Variants in HBG2 observed in about 807,000 individuals in gnomAD.
HBG2 encodes hemoglobin subunit gamma-2.
For synonymous variants in HBG2, 25 were observed against 63.2 expected (o/e 0.40, Z 2.87); for missense variants, 59 against 155.7 (o/e 0.38, Z 3.31).
rs1564886494 is a variant in HBG2, at chr11:5,254,503, ACAACCAGGAGC to A, written c.93_103del (p.Arg31SerfsTer10). The A allele has an allele frequency of 6.2e-7, 1 of 1,613,288 alleles. No homozygotes were observed. Reference sequence around the variant, plus strand: ...AAAGAACCTCTGGGTCCATGGGTAGACAACCAGGAGCCTGTGAGATTGACAAGAACAGTTTG... The same window carrying A: ...AAAGAACCTCTGGGTCCATGGGTAGACTGTGAGATTGACAAGAACAGTTTG... On this transcript the variant is annotated frameshift_variant and splice_region_variant, in exon 2 of 3. Transcript: ENST00000336906. LOFTEE classifies it high-confidence loss of function.
intron 2 of HBG2, 46 bp from the exon 3 acceptor site, chr11:5,253,451 G>C: frequency 6.5e-7 from 1 of 1,548,282 alleles, no homozygotes. Flanking sequence ...ATAGTGAGCT[G>C]AGAGCTCCAG....
Position 5,253,195 on chromosome 11 carries a change from T to A in HBG2, c.*82A>T, listed in dbSNP as rs761615890. On this transcript the variant is annotated 3_prime_UTR_variant, in exon 3 of 3. Coordinates refer to ENST00000336906, the MANE Select transcript of HBG2 (RefSeq NM_000184.3). ...AAGAACTGAAGACAACCATGTGTGA[T>A]CTCTTAGCAGAATAGATTTATTATT... is the stretch of plus-strand genomic sequence containing the variant. 1 of 1,594,508 alleles carries A rather than the reference T, an allele frequency of 6.3e-7. No individual in the cohort carries two copies. Among genetic ancestry groups the A allele is most frequent in the South Asian group, 1.1e-5 (1 of 90,390 alleles).
In HBG2 at chr11:5,254,322, G is replaced by A. The variant is rs1291432108; in HGVS notation, c.285C>T (p.Asp95=). 2 of 1,614,308 alleles carry A rather than the reference G, an allele frequency of 1.2e-6. No individual in the cohort carries two copies. Among genetic ancestry groups the A allele is most frequent in the Admixed American group, 1.7e-5 (1 of 60,038 alleles). The change falls in exon 2 of 3, where the codon GAC becomes GAT. Residue 95 remains aspartate (D), a synonymous_variant. Coordinates refer to ENST00000336906, the MANE Select transcript of HBG2 (RefSeq NM_000184.3). ...TFAQLSELHC[D]KLHVDPENFK... ...AGTTCTCAGGATCCACATGCAGCTT[G>A]TCACAGTGCAGTTCACTCAGCTGGG... is the stretch of plus-strand genomic sequence containing the variant.
At chr11:5,254,138 C>T (rs1240734819) in intron 2 of HBG2, among the ~76,000 whole-genome samples, 154 bp downstream of exon 2, 1 of 151,978 alleles carries the variant, frequency 6.6e-6, no homozygotes, top group Non-Finnish European at 1.5e-5. Flanking sequence ...AACATTGCCA[C>T]TGGGTCTCAG....
intron 2 of HBG2, 65 bp from the exon 3 acceptor site, chr11:5,253,470 C>G (rs1436490909): frequency 8.3e-6 from 11 of 1,321,960 alleles, no homozygotes; most frequent in Admixed American, 1.8e-5. Context: ...AGCCTGGCCT[C>G]CAGATAACTA....
At chr11:5,253,698 G>GCACACACACACACA (rs1554922324) in intron 2 of HBG2, among the ~76,000 whole-genome samples, 1,450 of 134,350 alleles carry the variant, frequency 0.011, 20 homozygotes, top group East Asian at 0.035. Flanking sequence ...ACACACGCGC[G>GCACACACACACACA]CACACACACA....
chr11:5,253,494 C>T (rs1960209), intron 2 of HBG2, 89 bp from the exon 3 acceptor site: 119 of 1,243,446 alleles, frequency 9.6e-5, no homozygotes, highest in Admixed American at 5.4e-4. Context: ...ACCAAGCTTC[C>T]ACCCAGAATC....
rs201444721 is a variant in HBG2 at position 5,253,382 on chromosome 11, G to C, written c.339C>G (p.Thr113=). ...NFKLLGNVLV[T]VLAIHFGKEF... is the part of the protein sequence containing the mutation. Reference sequence around the variant, plus strand: ...CTTTGCCGAAATGGATTGCCAAAACGGTCACCAGCACATTTCCCAGGAGCT... The same window carrying C: ...CTTTGCCGAAATGGATTGCCAAAACCGTCACCAGCACATTTCCCAGGAGCT... The change falls in exon 3 of 3, where the codon ACC becomes ACG. Residue 113 remains threonine, a synonymous_variant. Coordinates refer to ENST00000336906, the MANE Select transcript of HBG2 (RefSeq NM_000184.3). 1.2e-6 allele frequency: 2 copies of C among 1,612,892 alleles called. No individual in the cohort carries two copies. The highest frequency in any genetic ancestry group is 2.2e-5 in the East Asian group (1 of 44,802).
rs1847983745 is a variant in HBG2, at chr11:5,253,875, C to A, written c.315+417G>T. The stretch of plus-strand genomic sequence containing the variant: ...CCAGCTGATATAGGAATAGCCTTAG[C>A]AATGTATGTTTGGCCACCAAAGTTC... On this transcript the variant is annotated intron_variant, in intron 2 of 2. Transcript: ENST00000336906. Among the ~76,000 whole-genome samples, 3 of 152,206 alleles carry A rather than the reference C, an allele frequency of 2.0e-5. No homozygotes were observed. In the South Asian group the frequency reaches 6.2e-4, roughly 32 times the overall value.
chr11:5,253,453 G>A, intron 2 of HBG2, 48 bp from the exon 3 acceptor site: 1 of 1,545,014 alleles, frequency 6.5e-7, no homozygotes, highest in East Asian at 2.3e-5. Context: ...AGTGAGCTGA[G>A]AGCTCCAGCC....
Position 5,253,238 on chromosome 11 carries a change from A to G in HBG2, c.*39T>C. The G allele has an allele frequency of 1.9e-6, 3 of 1,613,376 alleles. No individual in the cohort carries two copies. Among genetic ancestry groups the G allele is most frequent in the Non-Finnish European group, 8.5e-7 (1 of 1,179,322 alleles). On this transcript the variant is annotated 3_prime_UTR_variant, in exon 3 of 3. Transcript: ENST00000336906. ...TTATTATTTGATTGCTTGCAGAATA[A>G]AGCCTATCCTTGAAAGCTCTGCATC...
chr11:5,253,918 A>C (rs1321892325), intron 2 of HBG2, among the ~76,000 whole-genome samples: 1 of 152,068 alleles, frequency 6.6e-6, no homozygotes, highest in Non-Finnish European at 1.5e-5. Flanking sequence ...TGACTGAGCC[A>C]ATATATGCCT....
At position 5,254,176 on chromosome 11, in the gene HBG2, C is replaced by A. The variant is rs1166548715; in HGVS notation, c.315+116G>T. The A allele has an allele frequency of 5.7e-6, 7 of 1,231,330 alleles. No individual in the cohort carries two copies. In the African/African-American group the frequency reaches 1.0e-4, roughly 18 times the overall value. 76.3% of individuals were successfully genotyped at this position (1,231,330 alleles called of 1,614,324 possible). A position where few individuals can be genotyped will look rare whatever the true frequency, so the allele number is the denominator to read the frequency against. On this transcript the variant is annotated intron_variant, in intron 2 of 2. Coordinates refer to ENST00000336906, the MANE Select transcript of HBG2 (RefSeq NM_000184.3). ...CAGTTAGTCCTCTGCAGTTTCTTCA[C>A]TCCCAACCCCAGTATCTTCAAACAG...
rs1431504350 is a variant in HBG2 at position 5,254,739 on chromosome 11, C to T, written c.-11G>A. On this transcript the variant is annotated 5_prime_UTR_variant, in exon 1 of 3. Transcript: ENST00000336906. Reference sequence around the variant, plus strand: ...TGTGAAATGACCCATGGCGTCTGGACTAGGAGCTTATTGATAACCTCAGAC... The same window carrying T: ...TGTGAAATGACCCATGGCGTCTGGATTAGGAGCTTATTGATAACCTCAGAC... The T allele has an allele frequency of 3.1e-6, 2 of 643,422 alleles. No individual in the cohort carries two copies. The highest frequency in any genetic ancestry group is 3.8e-5 in the African/African-American group (2 of 53,110). 39.9% of individuals were successfully genotyped at this position (643,422 alleles called of 1,614,324 possible).
At position 5,253,249 on chromosome 11, in the gene HBG2, T is replaced by G. The variant is rs754205499; in HGVS notation, c.*28A>C. The G allele has an allele frequency of 1.2e-6, 2 of 1,613,862 alleles. No homozygotes were observed. Among genetic ancestry groups the G allele is most frequent in the South Asian group, 2.2e-5 (2 of 91,076 alleles). On this transcript the variant is annotated 3_prime_UTR_variant, in exon 3 of 3. Coordinates refer to ENST00000336906, the MANE Select transcript of HBG2 (RefSeq NM_000184.3). ...TTGCTTGCAGAATAAAGCCTATCCT[T>G]GAAAGCTCTGCATCATGGGCAGTGA... is the stretch of plus-strand genomic sequence containing the variant.
chr11:5,253,698 G>A (rs112455563), intron 2 of HBG2, among the ~76,000 whole-genome samples: 14,981 of 134,534 alleles, frequency 0.11, 2,260 homozygotes, highest in African/African-American at 0.35. Context: ...ACACACGCGC[G>A]CACACACACA....
Position 5,253,371 on chromosome 11 carries a change from A to C in HBG2, c.350T>G (p.Ile117Ser). 1 of 1,613,554 alleles carries C rather than the reference A, an allele frequency of 6.2e-7. No homozygotes were observed. The highest frequency in any genetic ancestry group is 1.1e-5 in the South Asian group (1 of 91,042). ...LGNVLVTVLA[I>S]HFGKEFTPEV... The stretch of plus-strand genomic sequence containing the variant: ...AGGGGTGAATTCTTTGCCGAAATGG[A>C]TTGCCAAAACGGTCACCAGCACATT... The change falls in exon 3 of 3, where the codon ATC becomes AGC. Residue 117 changes from isoleucine (I) to serine (S), a missense_variant. Coordinates refer to ENST00000336906, the MANE Select transcript of HBG2 (RefSeq NM_000184.3).
At chr11:5,254,250 C>T (rs550810440) in intron 2 of HBG2, 42 bp downstream of exon 2, 25 of 1,613,076 alleles carry the variant, frequency 1.5e-5, no homozygotes, top group African/African-American at 6.7e-5. Context: ...TAAGTTGCCT[C>T]GAGACTAAAG....
At chr11:5,253,643 A>G (rs1419142377) in intron 2 of HBG2, among the ~76,000 whole-genome samples, 3 of 151,806 alleles carry the variant, frequency 2.0e-5, no homozygotes, top group Non-Finnish European at 4.4e-5. Context: ...TGTATGCTGT[A>G]GGCTGAAAAC....
Sources: allele counts gnomAD v4.1 joint callset (sites outside exome capture counted in the v4.1 genomes callset), GRCh38; gene constraint gnomAD v4.1.1; transcripts MANE v1.5; gene names NCBI Gene and HGNC (gene_info 2026-07-23, HGNC 2026-07-21).